The following AGMO variants were observed in gnomAD, a reference collection of about 807,000 sequenced individuals.
The protein encoded by AGMO is alkylglycerol monooxygenase, also known as glyceryl-ether monooxygenase.
AGMO carries 75 observed loss-of-function variants against 60.2 expected under a neutral mutation model. The ratio of observed to expected loss-of-function variants is 1.25; its 90% CI spans 1.03 to 1.51. The LOEUF is 1.51. Ranked by LOEUF, AGMO falls within the 40% of genes most tolerant of loss-of-function variation. AGMO has a pLI of 0.00. For missense variants in AGMO, 763 were observed against 525.5 expected, an observed-to-expected ratio of 1.45 and a Z score of -4.42; for synonymous variants, 261 against 177.1, an observed-to-expected ratio of 1.47 and a Z score of -3.76.
chr7:15,459,155 C>T (rs1053290021), intron 3 of AGMO, among the ~76,000 whole-genome samples: 2 of 152,000 alleles, frequency 1.3e-5, no homozygotes, highest in African/African-American at 4.8e-5. Flanking sequence ...TTTAGTAGTT[C>T]AAGCTGTGTC....
the AGMO span, among the ~76,000 whole-genome samples, chr7:15,144,338 G>A: frequency 6.6e-6 from 1 of 152,074 alleles, no homozygotes; most frequent in South Asian, 2.1e-4. Flanking sequence ...ACAGAACAAT[G>A]ATGTTTTAAT....
chr7:15,414,756 C>T (rs1292509015), intron 5 of AGMO, among the ~76,000 whole-genome samples: 1 of 152,126 alleles, frequency 6.6e-6, no homozygotes, highest in Non-Finnish European at 1.5e-5. Context: ...TCCTTTAAAG[C>T]TATGATAATC....
chr7:15,304,281 C>T (rs867251546), intron 12 of AGMO, among the ~76,000 whole-genome samples: 2 of 152,050 alleles, frequency 1.3e-5, no homozygotes, highest in Non-Finnish European at 2.9e-5. Flanking sequence ...TTCTCTTCTC[C>T]AGCTCTCTCG....
intron 4 of AGMO, among the ~76,000 whole-genome samples, chr7:15,422,769 C>T (rs906249396): frequency 5.3e-5 from 8 of 151,972 alleles, no homozygotes; most frequent in African/African-American, 1.9e-4. Flanking sequence ...AAATTGCCAA[C>T]CTGGTACAAG....
intron 12 of AGMO, among the ~76,000 whole-genome samples, chr7:15,354,556 C>A (rs1276546329): frequency 3.6e-5 from 4 of 112,454 alleles, no homozygotes; most frequent in Admixed American, 2.0e-4. Flanking sequence ...CCTCATAGGA[C>A]CTGCAACAGT....
chr7:15,380,167 T>G (rs10261311), intron 10 of AGMO, among the ~76,000 whole-genome samples: 9 of 151,906 alleles, frequency 5.9e-5, no homozygotes, highest in African/African-American at 2.2e-4. Flanking sequence ...GGGCAGGGCA[T>G]TCAGGCAAGA....
intron 3 of AGMO, among the ~76,000 whole-genome samples, chr7:15,513,530 C>A (rs1014939519): frequency 6.6e-6 from 1 of 152,092 alleles, no homozygotes; most frequent in Non-Finnish European, 1.5e-5. Flanking sequence ...TCAAGGCAGA[C>A]CCTGAGCTTT....
intron 3 of AGMO, among the ~76,000 whole-genome samples, chr7:15,528,323 C>CA (rs572780701): frequency 2.0e-5 from 3 of 151,656 alleles, no homozygotes; most frequent in Admixed American, 2.0e-4. Context: ...CTCTAGGAAA[C>CA]AAAAAAAATT....
chr7:15,385,607 T>C (rs1412734683), intron 9 of AGMO, 45 bp from the exon 10 acceptor site: 1 of 1,091,890 alleles, frequency 9.2e-7, no homozygotes, highest in Non-Finnish European at 1.4e-6. Context: ...CCAGACTCAT[T>C]TTTCTTACTG....
chr7:15,353,861 A>G (rs1782350357), intron 12 of AGMO, among the ~76,000 whole-genome samples: 1 of 152,078 alleles, frequency 6.6e-6, no homozygotes, highest in South Asian at 2.1e-4. Context: ...TATAAGCTAT[A>G]TTTGTGTCTT....
intron 5 of AGMO, among the ~76,000 whole-genome samples, chr7:15,416,735 G>T (rs1202481975): frequency 2.0e-5 from 3 of 152,114 alleles, no homozygotes; most frequent in Admixed American, 1.3e-4. Flanking sequence ...GGCCTATAGG[G>T]TTTCATACAA....
intron 12 of AGMO, among the ~76,000 whole-genome samples, chr7:15,258,642 A>G (rs1783174541): frequency 6.6e-6 from 1 of 152,164 alleles, no homozygotes; most frequent in Non-Finnish European, 1.5e-5. Flanking sequence ...CTAAACAAAA[A>G]CACAACCTAG....
chr7:15,199,202 C>T (rs1430050679), downstream of AGMO, among the ~76,000 whole-genome samples: 2 of 152,126 alleles, frequency 1.3e-5, no homozygotes, highest in East Asian at 3.9e-4. Flanking sequence ...GTGTCTGGAA[C>T]ATTACCTGTC....
intron 12 of AGMO, among the ~76,000 whole-genome samples, chr7:15,334,759 A>G (rs1781600796): frequency 6.6e-6 from 1 of 152,182 alleles, no homozygotes; most frequent in African/African-American, 2.4e-5. Context: ...CAACCCTCCA[A>G]CAACTGACTG....
intron 12 of AGMO, among the ~76,000 whole-genome samples, chr7:15,363,379 G>T (rs569735666): frequency 9.2e-5 from 14 of 152,256 alleles, no homozygotes; most frequent in Non-Finnish European, 1.8e-4. Flanking sequence ...CACTTACTAT[G>T]TGTTAATCAC....
At chr7:15,284,597 A>G (rs912338540) in intron 12 of AGMO, among the ~76,000 whole-genome samples, 7 of 152,106 alleles carry the variant, frequency 4.6e-5, no homozygotes, top group Non-Finnish European at 7.4e-5. Context: ...GCCAACAAAA[A>G]TAAGACCAGG....
intron 3 of AGMO, among the ~76,000 whole-genome samples, chr7:15,481,751 T>C (rs902541842): frequency 6.6e-6 from 1 of 151,058 alleles, no homozygotes; most frequent in Non-Finnish European, 1.5e-5. Context: ...TCTTTTCAAG[T>C]GCCCTGATGC....
intron 5 of AGMO, among the ~76,000 whole-genome samples, chr7:15,398,037 T>A (rs923885004): frequency 3.3e-5 from 5 of 152,198 alleles, no homozygotes; most frequent in Non-Finnish European, 7.3e-5. Flanking sequence ...GGGCTTTGTA[T>A]CTATGACAGA....
intron 3 of AGMO, among the ~76,000 whole-genome samples, chr7:15,517,758 C>G (rs1207351847): frequency 1.3e-5 from 2 of 152,086 alleles, no homozygotes; most frequent in African/African-American, 4.8e-5. Flanking sequence ...AGACACCGAG[C>G]TAGCTGCAGG....
Sources: allele counts gnomAD v4.1 joint callset (sites outside exome capture counted in the v4.1 genomes callset), GRCh38; gene constraint gnomAD v4.1.1; transcripts MANE v1.5; gene names NCBI Gene and HGNC (gene_info 2026-07-23, HGNC 2026-07-21).